Variants in SPECC1 observed in about 807,000 individuals in gnomAD.
The protein encoded by SPECC1 is cytospin-B.
In SPECC1, 62 loss-of-function variants were observed where a neutral mutation model predicts 104.1. That is an observed-to-expected ratio of 0.60 (90% CI 0.49 to 0.74). The LOEUF (loss-of-function observed/expected upper bound fraction) is 0.74, where lower values mean the gene tolerates loss of function less well. Ranked by LOEUF, SPECC1 falls within the 30% of genes least tolerant of loss-of-function variation. SPECC1 has a pLI of 0.00. For synonymous variants in SPECC1, 513 were observed against 501.6 expected, an observed-to-expected ratio of 1.02 and a Z score of -0.30; for missense variants, 1,306 against 1,310.5, an observed-to-expected ratio of 1.00 and a Z score of 0.05.
At chr17:20,281,321 G>A (rs916214328) in intron 12 of SPECC1, among the ~76,000 whole-genome samples, 2 of 152,182 alleles carry the variant, frequency 1.3e-5, no homozygotes, top group Non-Finnish European at 2.9e-5. Context: ...TTTGTCTCCT[G>A]GGCTCCCAGA....
At chr17:20,215,291 G>C (rs767703371) in intron 4 of SPECC1, among the ~76,000 whole-genome samples, 1 of 152,242 alleles carries the variant, frequency 6.6e-6, no homozygotes, top group Non-Finnish European at 1.5e-5. Context: ...GAGCAGGTGC[G>C]ATTCTGAATT....
intron 1 of SPECC1, among the ~76,000 whole-genome samples, chr17:20,090,365 T>C (rs2047350788): frequency 6.6e-6 from 1 of 152,146 alleles, no homozygotes. Flanking sequence ...CTCCCTTTCA[T>C]TACAAGCCCT....
chr17:20,018,730 G>A (rs2044248953), intron 1 of SPECC1, among the ~76,000 whole-genome samples: 1 of 152,230 alleles, frequency 6.6e-6, no homozygotes, highest in African/African-American at 2.4e-5. Flanking sequence ...TCCAAAGGAA[G>A]CCAGGCACAA....
intron 1 of SPECC1, among the ~76,000 whole-genome samples, chr17:20,047,156 T>A (rs2045571015): frequency 6.6e-6 from 1 of 152,214 alleles, no homozygotes; most frequent in South Asian, 2.1e-4. Flanking sequence ...TGAGAATGCT[T>A]GTGTTCTTTC....
intron 7 of SPECC1, among the ~76,000 whole-genome samples, chr17:20,233,046 A>T (rs954154889): frequency 1.3e-5 from 2 of 152,260 alleles, no homozygotes; most frequent in Non-Finnish European, 2.9e-5. Flanking sequence ...GTATTCCCAA[A>T]GTGAATGCAA....
intron 1 of SPECC1, among the ~76,000 whole-genome samples, chr17:20,053,830 T>C (rs1300646231): frequency 2.0e-5 from 3 of 152,224 alleles, no homozygotes; most frequent in Non-Finnish European, 2.9e-5. Context: ...AAGCCTATCT[T>C]AGATTCCTGG....
intron 2 of SPECC1, among the ~76,000 whole-genome samples, chr17:20,104,760 A>G (rs1307939662): frequency 3.1e-4 from 44 of 141,794 alleles, no homozygotes; most frequent in East Asian, 7.8e-4. Context: ...AAAAAAAAAA[A>G]AAAAAAGAAA....
intron 7 of SPECC1, chr17:20,239,449 TATC>T (rs1027281935): frequency 7.2e-5 from 18 of 248,682 alleles, no homozygotes; most frequent in Non-Finnish European, 1.1e-4. Flanking sequence ...CTTTTTATTT[TATC>T]ATATCATAGG....
rs1250831440 is a variant in SPECC1 at position 20,260,400 on chromosome 17, A to G, written c.2940+106A>G. On this transcript the variant is annotated intron_variant, in intron 12 of 14. Transcript: ENST00000395527. ...TGCTTGATGGGCCAATATGCATGTA[A>G]TTGTCATCTTTCTATTCTCCTAGGC... is the stretch of plus-strand genomic sequence containing the variant. The G allele has an allele frequency of 3.3e-6, 3 of 901,448 alleles. No homozygotes were observed. In the African/African-American group the frequency reaches 5.0e-5, roughly 15 times the overall value. 55.8% of individuals were successfully genotyped at this position (901,448 alleles called of 1,614,324 possible). A position where few individuals can be genotyped will look rare whatever the true frequency, so the allele number is the denominator to read the frequency against.
At chr17:20,253,713 C>T (rs1035758206) in intron 10 of SPECC1, 127 bp downstream of exon 10, 4 of 851,742 alleles carry the variant, frequency 4.7e-6, no homozygotes, top group East Asian at 2.6e-5. Context: ...ATTTCAACCC[C>T]GAATAATGTA....
At chr17:20,175,238 C>T (rs964303241) in intron 3 of SPECC1, among the ~76,000 whole-genome samples, 3 of 152,238 alleles carry the variant, frequency 2.0e-5, no homozygotes, top group Admixed American at 6.5e-5. Flanking sequence ...CTCACCACCA[C>T]CTCCACTCAT....
chr17:20,211,110 G>A (rs2037118867), intron 4 of SPECC1, among the ~76,000 whole-genome samples: 1 of 152,224 alleles, frequency 6.6e-6, no homozygotes, highest in South Asian at 2.1e-4. Flanking sequence ...GGCCCTCAGA[G>A]GATTCAGATG....
chr17:20,275,293 T>C (rs1192282019), intron 12 of SPECC1, among the ~76,000 whole-genome samples: 6 of 152,226 alleles, frequency 3.9e-5, no homozygotes, highest in Admixed American at 3.3e-4. Flanking sequence ...TATACTCAGT[T>C]ATTGATGAGA....
intron 4 of SPECC1, among the ~76,000 whole-genome samples, chr17:20,224,334 G>T (rs2038079536): frequency 6.6e-6 from 1 of 152,220 alleles, no homozygotes; most frequent in Non-Finnish European, 1.5e-5. Flanking sequence ...AACTTGTGGT[G>T]ACTATTGCCT....
At chr17:20,170,442 TC>T (rs1233025498) in intron 3 of SPECC1, among the ~76,000 whole-genome samples, 1 of 152,172 alleles carries the variant, frequency 6.6e-6, no homozygotes, top group Non-Finnish European at 1.5e-5. Flanking sequence ...ACCACAAACT[TC>T]CAGAAAGCTT....
chr17:20,082,811 T>C (rs967832463), intron 1 of SPECC1, among the ~76,000 whole-genome samples: 1 of 152,048 alleles, frequency 6.6e-6, no homozygotes, highest in African/African-American at 2.4e-5. Flanking sequence ...GGCTTCAACA[T>C]AGGAAGGGAG....
intron 4 of SPECC1, among the ~76,000 whole-genome samples, chr17:20,222,168 T>A (rs1049993943): frequency 6.6e-6 from 1 of 152,066 alleles, no homozygotes; most frequent in Admixed American, 6.6e-5. Flanking sequence ...ACCCTGTCTC[T>A]ACTAAAAATA....
intron 14 of SPECC1, among the ~76,000 whole-genome samples, chr17:20,311,097 TG>T (rs11348423): frequency 0.41 from 51,029 of 124,702 alleles, 10,014 homozygotes; most frequent in East Asian, 0.71. Flanking sequence ...TAGACCTTAG[TG>T]GGGTTTTTTT....
intron 3 of SPECC1, among the ~76,000 whole-genome samples, chr17:20,199,927 C>A (rs532535916): frequency 6.6e-6 from 1 of 152,174 alleles, no homozygotes; most frequent in Non-Finnish European, 1.5e-5. Context: ...GTAGCTGGGA[C>A]TACAGGCGTT....
Sources: gnomAD v4.1 joint callset for allele counts (sites outside exome capture counted in the v4.1 genomes callset) on GRCh38, gnomAD v4.1.1 for gene constraint, MANE v1.5 for transcripts, NCBI Gene and HGNC (gene_info 2026-07-23, HGNC 2026-07-21) for gene names.